BCL2: variants seen among roughly 807,000 people sequenced by gnomAD.
The protein encoded by BCL2 is apoptosis regulator Bcl-2.
A neutral mutation model predicts 14.2 loss-of-function variants in BCL2; 1 was observed. That is an observed-to-expected ratio of 0.07 (90% confidence interval 0.02 to 0.33). BCL2 has a LOEUF of 0.33. Ranked by LOEUF, BCL2 falls within the 10% of genes least tolerant of loss-of-function variation. The pLI is 0.99. For synonymous variants in BCL2, 151 were observed against 137.2 expected (o/e 1.10, Z -0.70); for missense variants, 247 against 305.9 (o/e 0.81, Z 1.44).
intron 2 of BCL2, among the ~76,000 whole-genome samples, chr18:63,264,104 C>T (rs1175550121): frequency 6.6e-6 from 1 of 152,196 alleles, no homozygotes; most frequent in East Asian, 1.9e-4. Context: ...TATAGTAAAA[C>T]GCTCAGCATG....
At chr18:63,136,678 C>CGGTG (rs1568212732) in intron 2 of BCL2, among the ~76,000 whole-genome samples, 1 of 152,194 alleles carries the variant, frequency 6.6e-6, no homozygotes, top group Non-Finnish European at 1.5e-5. Context: ...ATCTGAGGGC[C>CGGTG]GGTGTAGACC....
intron 2 of BCL2, among the ~76,000 whole-genome samples, chr18:63,311,779 C>A (rs1025255426): frequency 6.6e-6 from 1 of 152,260 alleles, no homozygotes; most frequent in Admixed American, 6.5e-5. Context: ...TGTGGTTGAT[C>A]GCCCCAGAAA....
intron 2 of BCL2, among the ~76,000 whole-genome samples, chr18:63,268,826 C>A (rs888144507): frequency 6.6e-6 from 1 of 152,142 alleles, no homozygotes; most frequent in African/African-American, 2.4e-5. Flanking sequence ...ATTTGCCAGA[C>A]AAGCTTTCTT....
At chr18:63,237,212 C>G (rs1278992748) in intron 2 of BCL2, among the ~76,000 whole-genome samples, 1 of 152,096 alleles carries the variant, frequency 6.6e-6, no homozygotes, top group Non-Finnish European at 1.5e-5. Flanking sequence ...AAGGAAGAAG[C>G]AAGACATATG....
At chr18:63,220,271 C>T (rs1910352156) in intron 2 of BCL2, among the ~76,000 whole-genome samples, 1 of 151,864 alleles carries the variant, frequency 6.6e-6, no homozygotes, top group African/African-American at 2.4e-5. Context: ...ATAAGTTGAC[C>T]GTCTGTCCCA....
intron 2 of BCL2, among the ~76,000 whole-genome samples, chr18:63,312,862 G>A (rs530117225): frequency 1.6e-4 from 24 of 152,318 alleles, no homozygotes; most frequent in Non-Finnish European, 2.8e-4. Context: ...TTGTAGACTG[G>A]TGTTTATTAA....
intron 2 of BCL2, among the ~76,000 whole-genome samples, chr18:63,173,079 T>C (rs1417937684): frequency 6.6e-6 from 1 of 152,244 alleles, no homozygotes; most frequent in Non-Finnish European, 1.5e-5. Context: ...TTAGCTCCAA[T>C]ATAGAAGTTG....
intron 2 of BCL2, among the ~76,000 whole-genome samples, chr18:63,263,862 A>T (rs2187163): frequency 6.6e-6 from 1 of 152,058 alleles, no homozygotes; most frequent in Non-Finnish European, 1.5e-5. Flanking sequence ...TTTCACTCTC[A>T]TCACCCAGGC....
intron 2 of BCL2, among the ~76,000 whole-genome samples, chr18:63,169,995 A>G (rs909365456): frequency 6.6e-6 from 1 of 152,140 alleles, no homozygotes; most frequent in Non-Finnish European, 1.5e-5. Context: ...TAGCCATATT[A>G]TGACCGTAAT....
At chr18:63,179,341 C>T (rs1174100151) in intron 2 of BCL2, among the ~76,000 whole-genome samples, 8 of 152,194 alleles carry the variant, frequency 5.3e-5, no homozygotes, top group Admixed American at 1.3e-4. Context: ...AAAGCTGCTC[C>T]GGTTGGCAGC....
intron 2 of BCL2, among the ~76,000 whole-genome samples, chr18:63,189,142 C>T (rs543660559): frequency 9.5e-4 from 141 of 149,148 alleles, no homozygotes; most frequent in Non-Finnish European, 1.8e-3. Flanking sequence ...AAGGTCAAAG[C>T]GCTCTCCAAA....
chr18:63,242,855 A>T (rs1417915131), intron 2 of BCL2, among the ~76,000 whole-genome samples: 1 of 152,192 alleles, frequency 6.6e-6, no homozygotes, highest in African/African-American at 2.4e-5. Flanking sequence ...AAAAATAAAG[A>T]CAAGAGTTTG....
At position 63,318,772 on chromosome 18, in the gene BCL2, G is replaced by T; in HGVS notation, c.-106C>A. On this transcript the variant is annotated 5_prime_UTR_variant, in exon 2 of 3. Coordinates refer to ENST00000333681, the MANE Select transcript of BCL2 (RefSeq NM_000633.3). The surrounding 1 kb of genome is among the most constrained non-coding windows in gnomAD (Gnocchi z 7.4). The stretch of plus-strand genomic sequence containing the variant: ...GAGTTATAATCCAGCTATTTTATTG[G>T]ATGTGCTTTGCATTCTTGGACGAGG... 2 of 1,526,288 alleles carry T rather than the reference G, an allele frequency of 1.3e-6. No individual in the cohort carries two copies. Among genetic ancestry groups the T allele is most frequent in the Middle Eastern group, 1.7e-4 (1 of 5,750 alleles). The allele number at this position is 1,526,288 out of a possible 1,614,324, so 94.5% of individuals were successfully genotyped here.
intron 2 of BCL2, among the ~76,000 whole-genome samples, chr18:63,247,490 G>T (rs537160329): frequency 6.6e-6 from 1 of 152,062 alleles, no homozygotes; most frequent in African/African-American, 2.4e-5. Flanking sequence ...GAGCCACCGC[G>T]CCCGGCCACA....
intron 2 of BCL2, among the ~76,000 whole-genome samples, chr18:63,146,157 C>T (rs1023404452): frequency 6.6e-6 from 1 of 152,224 alleles, no homozygotes; most frequent in Non-Finnish European, 1.5e-5. Flanking sequence ...ACCCGTTCTC[C>T]ATTTGCCTGT....
intron 2 of BCL2, among the ~76,000 whole-genome samples, chr18:63,134,825 G>A (rs773420120): frequency 2.8e-4 from 43 of 152,256 alleles, no homozygotes; most frequent in Non-Finnish European, 6.3e-4. Context: ...ATCAGACCAT[G>A]CCAATGGGAA....
intron 2 of BCL2, among the ~76,000 whole-genome samples, chr18:63,283,846 G>C (rs980883963): frequency 6.6e-6 from 1 of 152,208 alleles, no homozygotes; most frequent in African/African-American, 2.4e-5. Flanking sequence ...ACATTCAAAT[G>C]TGAGACTCAA....
At chr18:63,240,507 T>C (rs1267949868) in intron 2 of BCL2, among the ~76,000 whole-genome samples, 1 of 152,232 alleles carries the variant, frequency 6.6e-6, no homozygotes, top group Non-Finnish European at 1.5e-5. Flanking sequence ...GAAATATGCT[T>C]CTAGATAAAG....
At chr18:63,256,064 G>C (rs1911467561) in intron 2 of BCL2, among the ~76,000 whole-genome samples, 1 of 151,982 alleles carries the variant, frequency 6.6e-6, no homozygotes, top group African/African-American at 2.4e-5. Flanking sequence ...ATAGTCGATG[G>C]GATACATTTA....
Sources: gnomAD v4.1 joint callset for allele counts (sites outside exome capture counted in the v4.1 genomes callset) on GRCh38, gnomAD v4.1.1 for gene constraint, Gnocchi (gnomAD v3.1) non-coding constraint, MANE v1.5 for transcripts, NCBI Gene and HGNC (gene_info 2026-07-23, HGNC 2026-07-21) for gene names.